The following PWWP3A variants were observed in gnomAD, a reference collection of about 807,000 sequenced individuals.
PWWP3A encodes PWWP domain-containing DNA repair factor 3A.
PWWP3A carries 53 observed loss-of-function variants against 79.0 expected under a neutral mutation model. The ratio of observed to expected loss-of-function variants is 0.67; its 90% CI spans 0.54 to 0.84. The LOEUF (loss-of-function observed/expected upper bound fraction) is 0.84, where lower values mean the gene tolerates loss of function less well. Among genes scored for constraint, PWWP3A ranks in the 40% least tolerant of loss-of-function variants. The pLI is 0.00. For missense variants in PWWP3A, 973 were observed against 948.0 expected (o/e 1.03, Z -0.35); for synonymous variants, 443 against 394.4 (o/e 1.12, Z -1.46).
At position 1,356,181 on chromosome 19, in the gene PWWP3A, G is replaced by T. The variant is rs77959206; in HGVS notation, c.-69-143G>T. 6.3e-3 allele frequency: 3,600 copies of T among 575,286 alleles called. 100 individuals carry two copies. Among genetic ancestry groups the T allele is most frequent in the African/African-American group, 0.06 (3,208 of 53,154 alleles). 35.6% of individuals were successfully genotyped at this position (575,286 alleles called of 1,614,324 possible). A position where few individuals can be genotyped will look rare whatever the true frequency, so the allele number is the denominator to read the frequency against. ...TTTCTGTTTGTCAGTCTGCTTTTTG[G>T]CATTGAGCATCTCAATGCAAGATTG... is the stretch of plus-strand genomic sequence containing the variant. On this transcript the variant is annotated intron_variant, in intron 1 of 13. Coordinates refer to ENST00000591337, the MANE Select transcript of PWWP3A (RefSeq NM_001369789.1).
chr19:1,355,860 G>C (rs953606036), intron 1 of PWWP3A, among the ~76,000 whole-genome samples: 2 of 150,758 alleles, frequency 1.3e-5, no homozygotes, highest in African/African-American at 4.9e-5. Context: ...TGCTGTGAAC[G>C]GTCTGCAGCT....
intron 9 of PWWP3A, among the ~76,000 whole-genome samples, chr19:1,367,673 G>A (rs8109788): frequency 0.03 from 4,617 of 152,320 alleles, 217 homozygotes; most frequent in African/African-American, 0.1. Context: ...GAGCCTGGCC[G>A]ATACCACGTG....
intron 9 of PWWP3A, among the ~76,000 whole-genome samples, chr19:1,367,539 C>T (rs752759977): frequency 2.0e-5 from 3 of 152,236 alleles, no homozygotes; most frequent in Non-Finnish European, 2.9e-5. Flanking sequence ...GCAAGGCCAC[C>T]GCCTTCCCTG....
intron 13 of PWWP3A, among the ~76,000 whole-genome samples, chr19:1,375,149 G>A (rs990611471): frequency 6.6e-6 from 1 of 151,302 alleles, no homozygotes; most frequent in African/African-American, 2.4e-5. Context: ...CTTGAACCCG[G>A]GAGGTGGAGG....
At chr19:1,375,604 A>AT (rs1568965960) in intron 13 of PWWP3A, among the ~76,000 whole-genome samples, 65 of 46,476 alleles carry the variant, frequency 1.4e-3, no homozygotes, top group Middle Eastern at 0.01. Context: ...TATATATTAT[A>AT]ATATATACAA....
In PWWP3A at chr19:1,369,719, G is replaced by A; in HGVS notation, c.1549+73G>A. 1 of 1,508,346 alleles carries A rather than the reference G, an allele frequency of 6.6e-7. No homozygotes were observed. The highest frequency in any genetic ancestry group is 9.2e-7 in the Non-Finnish European group (1 of 1,083,802). The allele number at this position is 1,508,346 out of a possible 1,614,324, so 93.4% of individuals were successfully genotyped here. On this transcript the variant is annotated intron_variant, in intron 11 of 13. Transcript: ENST00000591337. This position sits in a 1 kb window ranked among gnomAD's most constrained non-coding sequence, Gnocchi z 4.0. ...TTTAGAAAAACAATCTTCTATGTCTGAAGCTGTGGAAGGGGACGTTGGGGT... is the reference window on the plus strand; with the variant it reads ...TTTAGAAAAACAATCTTCTATGTCTAAAGCTGTGGAAGGGGACGTTGGGGT...
chr19:1,378,149 G>GCCC lies in PWWP3A; in HGVS notation c.*1576_*1578dup, dbSNP rs962578793. The GCCC allele has an allele frequency of 2.0e-5, 3 of 152,306 alleles. No homozygotes were observed. The highest frequency in any genetic ancestry group is 7.2e-5 in the African/African-American group (3 of 41,466). The allele number at this position is 152,306 out of a possible 1,614,324, so 9.4% of individuals were successfully genotyped here. ...GCGGGGGTCAGGGCTGTCGGCCTTGGCCCCCTGCTGGTCGCTGTTTCGGGG... is the reference window on the plus strand; with the variant it reads ...GCGGGGGTCAGGGCTGTCGGCCTTGGCCCCCCCCTGCTGGTCGCTGTTTCGGGG... On this transcript the variant is annotated 3_prime_UTR_variant, in exon 14 of 14. Coordinates refer to ENST00000591337, the MANE Select transcript of PWWP3A (RefSeq NM_001369789.1).
rs1331621305 is a variant in PWWP3A, at chr19:1,360,887, G to A, written c.966G>A (p.Gly322=). 4 of 1,545,574 alleles carry A rather than the reference G, an allele frequency of 2.6e-6. No homozygotes were observed. The highest frequency in any genetic ancestry group is 1.4e-5 in the African/African-American group (1 of 72,792). ...TGCAGCTGGAGCCCATGGCAGCAGG[G>A]GCCGCACCATCCCCCGGGCCGGGGC... The part of the protein sequence containing the change: ...PAVQLEPMAA[G]AAPSPGPGPG... The change falls in exon 5 of 14, where the codon GGG becomes GGA. Residue 322 remains glycine, a synonymous_variant. Transcript: ENST00000591337. The surrounding 1 kb of genome is among the most constrained non-coding windows in gnomAD (Gnocchi z 4.4).
rs1001009784 is a variant in PWWP3A at position 1,356,527 on chromosome 19, C to G, written c.57+78C>G. ...AAGTAAAATCTTGATCAGGAGATAC[C>G]TAGGATTTGCTTCAGTGAAATAATT... On this transcript the variant is annotated intron_variant, in intron 2 of 13. Coordinates refer to ENST00000591337, the MANE Select transcript of PWWP3A (RefSeq NM_001369789.1). The G allele has an allele frequency of 2.2e-5, 30 of 1,360,672 alleles. No individual in the cohort carries two copies. The African/African-American group carries it at 4.0e-4, about 18-fold the overall frequency. The allele number at this position is 1,360,672 out of a possible 1,614,324, so 84.3% of individuals were successfully genotyped here. A position where few individuals can be genotyped will look rare whatever the true frequency, so the allele number is the denominator to read the frequency against.
Position 1,360,843 on chromosome 19 carries a change from A to C in PWWP3A, c.922A>C (p.Ser308Arg). ...PAKKRPRLDGSQRPPAVQLEP... is the reference protein window; with the variant it reads ...PAKKRPRLDGRQRPPAVQLEP... ...GAAAAAGAGGCCGCGCCTGGATGGCAGCCAAAGGCCGCCTGCCGTGCAGCT... is the reference window on the plus strand; with the variant it reads ...GAAAAAGAGGCCGCGCCTGGATGGCCGCCAAAGGCCGCCTGCCGTGCAGCT... Residue 308 changes from serine to arginine, a missense_variant, in exon 5 of 14, where the codon AGC (serine) becomes CGC (arginine). Transcript: ENST00000591337. The surrounding 1 kb of genome is among the most constrained non-coding windows in gnomAD (Gnocchi z 4.4). 2 of 1,555,792 alleles carry C rather than the reference A, an allele frequency of 1.3e-6. No individual in the cohort carries two copies. The highest frequency in any genetic ancestry group is 1.7e-6 in the Non-Finnish European group (2 of 1,152,148).
Position 1,369,154 on chromosome 19 carries a change from G to T in PWWP3A, c.1423-111G>T. 1 of 926,732 alleles carries T rather than the reference G, an allele frequency of 1.1e-6. No homozygotes were observed. The allele number at this position is 926,732 out of a possible 1,614,324, so 57.4% of individuals were successfully genotyped here. A position where few individuals can be genotyped will look rare whatever the true frequency, so the allele number is the denominator to read the frequency against. ...CAGGGAGGGTCAGAGGTGCGGGCTG[G>T]AGCGTGAGCAGCCTGGACACCTGGC... On this transcript the variant is annotated intron_variant, in intron 9 of 13. Coordinates refer to ENST00000591337, the MANE Select transcript of PWWP3A (RefSeq NM_001369789.1). The surrounding 1 kb of genome is among the most constrained non-coding windows in gnomAD (Gnocchi z 4.0).
At position 1,369,378 on chromosome 19, in the gene PWWP3A, A is replaced by C. The variant is rs1374436902; in HGVS notation, c.1498+38A>C. The C allele has an allele frequency of 1.9e-6, 3 of 1,601,266 alleles. No individual in the cohort carries two copies. The highest frequency in any genetic ancestry group is 1.7e-5 in the Admixed American group (1 of 59,872). ...CTGGGGAGGGGTGGAGCTGGGCAGC[A>C]GGCGTCCAGCCTCTGAAGACCCCTT... is the stretch of plus-strand genomic sequence containing the variant. On this transcript the variant is annotated intron_variant, in intron 10 of 13. Transcript: ENST00000591337. The surrounding 1 kb of genome is among the most constrained non-coding windows in gnomAD (Gnocchi z 4.0).
intron 6 of PWWP3A, chr19:1,364,205 G>T (rs771022519): frequency 7.0e-6 from 4 of 571,710 alleles, no homozygotes; most frequent in South Asian, 1.4e-5. Flanking sequence ...ATAGGACAGA[G>T]CCCCAGCCGC....
intron 6 of PWWP3A, among the ~76,000 whole-genome samples, chr19:1,362,925 C>T (rs965898046): frequency 1.3e-5 from 2 of 152,238 alleles, no homozygotes; most frequent in Admixed American, 6.5e-5. Context: ...AAGTCGGCTT[C>T]GCAAACCAAG....
chr19:1,364,591 T>G lies in PWWP3A; in HGVS notation c.1284+12T>G, dbSNP rs1293698744. The stretch of plus-strand genomic sequence containing the variant: ...TCTGGCCAGCAGTGGTAAGAACAGC[T>G]TCCTCCGTCTTCTCAGATGTAGTTA... On this transcript the variant is annotated intron_variant, in intron 7 of 13. Transcript: ENST00000591337. 6.4e-7 allele frequency: 1 copy of G among 1,572,786 alleles called. No homozygotes were observed. Among genetic ancestry groups the G allele is most frequent in the Non-Finnish European group, 8.6e-7 (1 of 1,157,748 alleles).
At chr19:1,364,836 C>T (rs992596070) in intron 7 of PWWP3A, among the ~76,000 whole-genome samples, 4 of 152,116 alleles carry the variant, frequency 2.6e-5, no homozygotes, top group Admixed American at 6.5e-5. Flanking sequence ...AAAATATTTG[C>T]GGCCGGGTGC....
At position 1,369,073 on chromosome 19, in the gene PWWP3A, C is replaced by T. The variant is rs765599987; in HGVS notation, c.1423-192C>T. On this transcript the variant is annotated intron_variant, in intron 9 of 13. Transcript: ENST00000591337. The surrounding 1 kb of genome is among the most constrained non-coding windows in gnomAD (Gnocchi z 4.0). The stretch of plus-strand genomic sequence containing the variant: ...TCAGGGCCCAGACCTGTGCCTGGTG[C>T]GTTTCCCATTTACCAGAGGGTCCCT... The T allele has an allele frequency of 2.6e-5, 15 of 579,234 alleles. No homozygotes were observed. The highest frequency in any genetic ancestry group is 4.5e-4 in the Middle Eastern group (1 of 2,200). The allele number at this position is 579,234 out of a possible 1,614,324, so 35.9% of individuals were successfully genotyped here. A position where few individuals can be genotyped will look rare whatever the true frequency, so the allele number is the denominator to read the frequency against.
chr19:1,367,708 T>C (rs1478064488), intron 9 of PWWP3A, among the ~76,000 whole-genome samples: 1 of 152,200 alleles, frequency 6.6e-6, no homozygotes, highest in Non-Finnish European at 1.5e-5. Context: ...GCAGAGTGGC[T>C]TCCTGCTCCC....
rs1449881843 is a variant in PWWP3A at position 1,375,730 on chromosome 19, TTTATA to T, written c.2076-782_2076-778del. On this transcript the variant is annotated intron_variant, in intron 13 of 13. Coordinates refer to ENST00000591337, the MANE Select transcript of PWWP3A (RefSeq NM_001369789.1). Reference sequence around the variant, plus strand: ...TATAATATATATAAAGTATGTATACTTTATATTATATATAAAATATATAATTTTAT... The same window carrying T: ...TATAATATATATAAAGTATGTATACTTTATATATAAAATATATAATTTTAT... Among the ~76,000 whole-genome samples the T allele has an allele frequency of 4.9e-5, 7 of 141,758 alleles. No homozygotes were observed. The East Asian group carries it at 9.9e-4, about 20-fold the overall frequency. The allele number at this position is 141,758 out of a possible 152,430, so 93.0% of individuals were successfully genotyped here.
Sources: allele counts gnomAD v4.1 joint callset (sites outside exome capture counted in the v4.1 genomes callset), GRCh38; gene constraint gnomAD v4.1.1; non-coding constraint Gnocchi (gnomAD v3.1); transcripts MANE v1.5; gene names NCBI Gene and HGNC (gene_info 2026-07-23, HGNC 2026-07-21).